CDK5RAP1: variants seen among roughly 807,000 people sequenced by gnomAD.
CDK5RAP1 encodes mitochondrial tRNA methylthiotransferase CDK5RAP1.
A neutral mutation model predicts 64.5 loss-of-function variants in CDK5RAP1; 62 were observed. The ratio of observed to expected loss-of-function variants is 0.96; its 90% CI spans 0.78 to 1.19. CDK5RAP1 has a LOEUF of 1.19. CDK5RAP1 is among the 50% of genes most tolerant of loss of function. CDK5RAP1 has a pLI of 0.00. For synonymous variants in CDK5RAP1, 250 were observed against 261.9 expected (o/e 0.95, Z 0.44); for missense variants, 657 against 735.0 (o/e 0.89, Z 1.23).
rs1984084200 is a variant in CDK5RAP1 at position 33,366,942 on chromosome 20, C to CCT, written c.1457_1458dup (p.Glu487ArgfsTer26). On this transcript the variant is annotated frameshift_variant, in exon 12 of 14. Coordinates refer to ENST00000346416, the MANE Select transcript of CDK5RAP1 (RefSeq NM_016408.4). LOFTEE classifies it high-confidence loss of function. ...TCTTCTCGGAAGATAGTGATGAGTT[C>CCT]CTCCAAACGCCTTAATTTTACCTCT... is the stretch of plus-strand genomic sequence containing the variant. 5.0e-6 allele frequency: 8 copies of CCT among 1,613,816 alleles called. No homozygotes were observed. In the South Asian group the frequency reaches 8.8e-5, roughly 18 times the overall value.
chr20:33,388,967 C>A (rs1178491075), intron 5 of CDK5RAP1, among the ~76,000 whole-genome samples: 1 of 152,210 alleles, frequency 6.6e-6, no homozygotes, highest in African/African-American at 2.4e-5. Flanking sequence ...GTGACCTCCG[C>A]TCGCTACAAC....
Position 33,391,549 on chromosome 20 carries a change from C to T in CDK5RAP1, c.544+593G>A, listed in dbSNP as rs1292198190. On this transcript the variant is annotated intron_variant, in intron 5 of 13. Transcript: ENST00000346416. ...GAAATTTGTGCTGTCAGGCCAGGCA[C>T]GGTGGCTCATGCCTATAATCCCAAC... Among the ~76,000 whole-genome samples the T allele has an allele frequency of 9.9e-5, 15 of 152,148 alleles. No homozygotes were observed. The East Asian group carries it at 1.5e-3, about 16-fold the overall frequency.
At position 33,398,522 on chromosome 20, in the gene CDK5RAP1, A is replaced by G. The variant is rs144939365; in HGVS notation, c.-20-1438T>C. Reference sequence around the variant, plus strand: ...ATAAAAATAAAAGATATTCAATGCAACAGTGTTTCTAATAGCAAAGGAAAG... The same window carrying G: ...ATAAAAATAAAAGATATTCAATGCAGCAGTGTTTCTAATAGCAAAGGAAAG... On this transcript the variant is annotated intron_variant, in intron 1 of 13. Transcript: ENST00000346416. 1.2e-3 allele frequency among the ~76,000 whole-genome samples: 190 copies of G among 152,208 alleles called. No homozygotes were observed. The East Asian group carries it at 0.032, about 26-fold the overall frequency.
rs1358820082 is a variant in CDK5RAP1 at position 33,370,560 on chromosome 20, A to G, written c.1331T>C (p.Val444Ala). ...GTACTGAACTTCCCGGAGCAAAGAG[A>G]CTGTCTGGACGTGATCTTCCTCCGT... is the stretch of plus-strand genomic sequence containing the variant. ...GETEEDHVQTVSLLREVQYNM... is the reference protein window; with the variant it reads ...GETEEDHVQTASLLREVQYNM... The change falls in exon 11 of 14, where the codon GTC (valine) becomes GCC (alanine). Residue 444 changes from valine (V) to alanine (A), a missense_variant. Transcript: ENST00000346416. 1.2e-6 allele frequency: 2 copies of G among 1,614,124 alleles called. No individual in the cohort carries two copies. The highest frequency in any genetic ancestry group is 3.3e-5 in the Admixed American group (2 of 60,010).
At chr20:33,366,797 A>C (rs888677936) in intron 12 of CDK5RAP1, 62 bp downstream of exon 12, 2 of 1,500,498 alleles carry the variant, frequency 1.3e-6, no homozygotes, top group African/African-American at 1.4e-5. Context: ...TGAGGAAAAA[A>C]ATCAAAGATC....
chr20:33,385,141 T>G (rs1248189845), intron 7 of CDK5RAP1, among the ~76,000 whole-genome samples: 2 of 152,208 alleles, frequency 1.3e-5, no homozygotes, highest in Non-Finnish European at 2.9e-5. Flanking sequence ...CCCCTGTGGC[T>G]TCTGATCCAC....
At position 33,360,241 on chromosome 20, in the gene CDK5RAP1, G is replaced by T; in HGVS notation, c.1683+110C>A. The T allele has an allele frequency of 7.8e-6, 8 of 1,023,496 alleles. No individual in the cohort carries two copies. In the South Asian group the frequency reaches 1.3e-4, roughly 17 times the overall value. The allele number at this position is 1,023,496 out of a possible 1,614,324, so 63.4% of individuals were successfully genotyped here. Reference sequence around the variant, plus strand: ...CCCTTCCATTGTACTGGTTGAGAGGGGATTTTTATTTTACTAAAATGTGTC... The same window carrying T: ...CCCTTCCATTGTACTGGTTGAGAGGTGATTTTTATTTTACTAAAATGTGTC... On this transcript the variant is annotated intron_variant, in intron 13 of 13. Transcript: ENST00000346416.
At chr20:33,389,095 A>C (rs1445545097) in intron 5 of CDK5RAP1, among the ~76,000 whole-genome samples, 1 of 146,610 alleles carries the variant, frequency 6.8e-6, no homozygotes, top group African/African-American at 2.6e-5. Flanking sequence ...ATCGTCTGGG[A>C]TGTGAGGAGC....
intron 7 of CDK5RAP1, 86 bp from the exon 8 acceptor site, chr20:33,379,777 A>G (rs917639343): frequency 1.0e-6 from 1 of 1,001,138 alleles, no homozygotes; most frequent in Non-Finnish European, 1.5e-6. Context: ...TGAAATTAAC[A>G]TATCTTTTGT....
In CDK5RAP1 at chr20:33,379,452, G is replaced by C; in HGVS notation, c.1107+9C>G. The C allele has an allele frequency of 3.1e-6, 5 of 1,589,110 alleles. No individual in the cohort carries two copies. The highest frequency in any genetic ancestry group is 4.3e-6 in the Non-Finnish European group (5 of 1,157,424). ...AATATCAGTTTGTCACAGCTAACCT[G>C]ACGCTCACCTCATCAGGAAAATCCT... On this transcript the variant is annotated intron_variant, in intron 8 of 13. Coordinates refer to ENST00000346416, the MANE Select transcript of CDK5RAP1 (RefSeq NM_016408.4).
At chr20:33,363,257 T>C (rs926742183) in intron 12 of CDK5RAP1, among the ~76,000 whole-genome samples, 1 of 152,180 alleles carries the variant, frequency 6.6e-6, no homozygotes, top group Non-Finnish European at 1.5e-5. Context: ...CATCCTAGAC[T>C]AAAGGAGACT....
chr20:33,391,689 G>A (rs1371879413), intron 5 of CDK5RAP1, among the ~76,000 whole-genome samples: 2 of 152,008 alleles, frequency 1.3e-5, no homozygotes, highest in Admixed American at 6.6e-5. Context: ...GCATGGTGGT[G>A]CAAGCCTGTA....
chr20:33,383,245 A>AT (rs1386425186), intron 7 of CDK5RAP1, among the ~76,000 whole-genome samples: 1 of 152,130 alleles, frequency 6.6e-6, no homozygotes, highest in African/African-American at 2.4e-5. Flanking sequence ...AAATATCCTT[A>AT]TTTTTTAGAG....
chr20:33,374,151 C>T lies in CDK5RAP1; in HGVS notation c.1169G>A (p.Ser390Asn), dbSNP rs1419797732. 3 of 1,614,120 alleles carry T rather than the reference C, an allele frequency of 1.9e-6. No homozygotes were observed. Among genetic ancestry groups the T allele is most frequent in the Middle Eastern group, 1.7e-4 (1 of 6,060 alleles). The change falls in exon 9 of 14, where the codon AGT (serine) becomes AAT (asparagine). Residue 390 changes from serine to asparagine, a missense_variant. Transcript: ENST00000346416. ...ICKQIHLPAQ[S>N]GSSRVLEAMR... ...GGCCTCCAACACACGGCTGCTTCCA[C>T]TCTGGGCTGGCAGGTGGATCTGTTT... is the stretch of plus-strand genomic sequence containing the variant.
intron 7 of CDK5RAP1, among the ~76,000 whole-genome samples, chr20:33,384,104 G>A (rs533258118): frequency 3.3e-4 from 50 of 151,956 alleles, no homozygotes; most frequent in Admixed American, 5.2e-4. Flanking sequence ...ATGAATAAAC[G>A]GACATTCTGT....
intron 2 of CDK5RAP1, 47 bp from the exon 3 acceptor site, chr20:33,395,163 G>T: frequency 1.8e-6 from 2 of 1,111,610 alleles, no homozygotes; most frequent in Non-Finnish European, 2.8e-6. Flanking sequence ...GACAACAAGG[G>T]GTCTCGTGTC....
intron 9 of CDK5RAP1, chr20:33,373,258 A>G: frequency 7.0e-6 from 1 of 141,884 alleles, no homozygotes; most frequent in Non-Finnish European, 1.5e-5. Flanking sequence ...ACTGGGTTTC[A>G]CCATGTTGCC....
At chr20:33,369,376 G>A (rs1450699110) in intron 11 of CDK5RAP1, among the ~76,000 whole-genome samples, 4 of 151,758 alleles carry the variant, frequency 2.6e-5, no homozygotes, top group East Asian at 1.9e-4. Flanking sequence ...CCAGCTACTC[G>A]GGAGGCTGAG....
At chr20:33,387,801 T>G (rs771017702) in intron 5 of CDK5RAP1, among the ~76,000 whole-genome samples, 2 of 151,996 alleles carry the variant, frequency 1.3e-5, no homozygotes, top group Non-Finnish European at 2.9e-5. Context: ...GTGCGGTGGC[T>G]CATGGCTGTA....
Sources: gnomAD v4.1 joint callset for allele counts (sites outside exome capture counted in the v4.1 genomes callset) on GRCh38, gnomAD v4.1.1 for gene constraint, MANE v1.5 for transcripts, NCBI Gene and HGNC (gene_info 2026-07-23, HGNC 2026-07-21) for gene names.